The following XKR6 variants were observed in gnomAD, a reference collection of about 807,000 sequenced individuals.
XKR6 encodes XK related 6, also known as XK-related protein 6.
Under a neutral mutation model 56.7 loss-of-function variants are expected in XKR6, and 22 were observed. The observed-to-expected ratio is 0.39, with a 90% CI of 0.28 to 0.55. The LOEUF (loss-of-function observed/expected upper bound fraction) is 0.55. Among genes scored for constraint, XKR6 ranks in the 20% least tolerant of loss-of-function variants. The pLI is 0.66. For synonymous variants in XKR6, 524 were observed against 387.8 expected, an observed-to-expected ratio of 1.35 and a Z score of -4.13; for missense variants, 852 against 889.0, an observed-to-expected ratio of 0.96 and a Z score of 0.53.
intron 1 of XKR6, among the ~76,000 whole-genome samples, chr8:11,036,307 A>C (rs1035500502): frequency 3.9e-5 from 6 of 152,192 alleles, no homozygotes; most frequent in Non-Finnish European, 7.4e-5. Flanking sequence ...GGATTCTAGG[A>C]AAGTTTCTAA....
chr8:11,068,067 C>T (rs908260551), intron 1 of XKR6, among the ~76,000 whole-genome samples: 14 of 152,224 alleles, frequency 9.2e-5, no homozygotes, highest in African/African-American at 3.4e-4. Flanking sequence ...CAGGGCCGGC[C>T]TCAGCACCTG....
intron 1 of XKR6, among the ~76,000 whole-genome samples, chr8:10,960,232 A>AGGTATAGCAGGTAGGTG (rs1802022143): frequency 6.7e-6 from 1 of 150,034 alleles, no homozygotes; most frequent in African/African-American, 2.5e-5. Flanking sequence ...GCAGGTGGGT[A>AGGTATAGCAGGTAGGTG]CAGGTATAGC....
chr8:11,089,264 C>T (rs371625185), intron 1 of XKR6, among the ~76,000 whole-genome samples: 3 of 152,142 alleles, frequency 2.0e-5, no homozygotes, highest in African/African-American at 4.8e-5. Context: ...AAAAGAAAAC[C>T]TTAGAAACCT....
intron 1 of XKR6, among the ~76,000 whole-genome samples, chr8:10,925,828 C>G (rs1800865793): frequency 6.6e-6 from 1 of 152,200 alleles, no homozygotes; most frequent in Non-Finnish European, 1.5e-5. Context: ...CCGGAACTCT[C>G]TGGAACTGTG....
chr8:11,179,669 T>C (rs1445036261), intron 1 of XKR6, among the ~76,000 whole-genome samples: 1 of 152,192 alleles, frequency 6.6e-6, no homozygotes, highest in Non-Finnish European at 1.5e-5. Context: ...TCAGGTGCTC[T>C]TGGCCCAATT....
At chr8:11,120,425 T>A (rs1458288364) in intron 1 of XKR6, among the ~76,000 whole-genome samples, 1 of 152,054 alleles carries the variant, frequency 6.6e-6, no homozygotes, top group Non-Finnish European at 1.5e-5. Context: ...ATGAGTAAAC[T>A]CCCATTCACA....
chr8:11,117,454 A>G (rs1040715823), intron 1 of XKR6, among the ~76,000 whole-genome samples: 2 of 152,210 alleles, frequency 1.3e-5, no homozygotes, highest in Non-Finnish European at 2.9e-5. Context: ...CCACAGGAAG[A>G]AAACAGAATG....
intron 1 of XKR6, among the ~76,000 whole-genome samples, chr8:11,188,847 CCT>C (rs1803406624): frequency 6.6e-6 from 1 of 152,138 alleles, no homozygotes; most frequent in Non-Finnish European, 1.5e-5. Context: ...GATTTCTGGC[CCT>C]GAGCTTCTCC....
At chr8:10,998,830 G>A (rs935193806) in intron 1 of XKR6, among the ~76,000 whole-genome samples, 7 of 152,208 alleles carry the variant, frequency 4.6e-5, no homozygotes, top group African/African-American at 9.6e-5. Flanking sequence ...CACAGATTCT[G>A]TTCCTTCTGC....
At chr8:11,009,612 C>T (rs1798455148) in intron 1 of XKR6, among the ~76,000 whole-genome samples, 1 of 152,156 alleles carries the variant, frequency 6.6e-6, no homozygotes, top group Non-Finnish European at 1.5e-5. Flanking sequence ...CCCAGATCTT[C>T]TGTAAAATGT....
intron 1 of XKR6, among the ~76,000 whole-genome samples, chr8:10,947,313 G>T (rs781220353): frequency 2.6e-5 from 4 of 152,176 alleles, no homozygotes; most frequent in Non-Finnish European, 4.4e-5. Context: ...AAAGGTTTGG[G>T]AGTGAGATAC....
At chr8:11,096,969 C>G (rs1798281137) in intron 1 of XKR6, among the ~76,000 whole-genome samples, 1 of 152,212 alleles carries the variant, frequency 6.6e-6, no homozygotes, top group African/African-American at 2.4e-5. Flanking sequence ...TTTGCACATC[C>G]TTTGTACCAT....
At chr8:10,959,306 G>A (rs899906699) in intron 1 of XKR6, among the ~76,000 whole-genome samples, 3 of 152,128 alleles carry the variant, frequency 2.0e-5, no homozygotes, top group Non-Finnish European at 4.4e-5. Flanking sequence ...GGTTCTCTGT[G>A]ACCCACAGGT....
At chr8:11,057,159 C>G (rs1799706534) in intron 1 of XKR6, among the ~76,000 whole-genome samples, 1 of 152,166 alleles carries the variant, frequency 6.6e-6, no homozygotes, top group South Asian at 2.1e-4. Context: ...TTCATGGATC[C>G]TATTTGTCAC....
At chr8:11,139,696 G>A (rs1282362249) in intron 1 of XKR6, among the ~76,000 whole-genome samples, 1 of 152,150 alleles carries the variant, frequency 6.6e-6, no homozygotes, top group East Asian at 1.9e-4. Context: ...ACTGGGAGAG[G>A]GGAAGCAGGA....
At chr8:11,106,525 G>A (rs1798682343) in intron 1 of XKR6, 1 of 152,442 alleles carries the variant, frequency 6.6e-6, no homozygotes, top group African/African-American at 2.4e-5. Context: ...GGAGACAACT[G>A]TCATCCAAAC....
At chr8:11,120,297 AG>A in intron 1 of XKR6, among the ~76,000 whole-genome samples, 1 of 152,342 alleles carries the variant, frequency 6.6e-6, no homozygotes, top group Admixed American at 6.5e-5. Context: ...CCATCGCCTC[AG>A]CCCAAAATCT....
chr8:11,073,324 G>C (rs180842256), intron 1 of XKR6, among the ~76,000 whole-genome samples: 3 of 152,228 alleles, frequency 2.0e-5, no homozygotes, highest in South Asian at 4.2e-4. Context: ...TCACCTATGT[G>C]CTAGGAACTA....
At chr8:10,937,619 A>C (rs1473907540) in intron 1 of XKR6, among the ~76,000 whole-genome samples, 1 of 150,200 alleles carries the variant, frequency 6.7e-6, no homozygotes, top group Non-Finnish European at 1.5e-5. Context: ...TCCTTCTAAC[A>C]GACAGCACCC....
Sources: gnomAD v4.1 joint callset for allele counts (sites outside exome capture counted in the v4.1 genomes callset) on GRCh38, gnomAD v4.1.1 for gene constraint, MANE v1.5 for transcripts, NCBI Gene and HGNC (gene_info 2026-07-23, HGNC 2026-07-21) for gene names.